Variants in CCDC178 observed in about 807,000 individuals in gnomAD.
CCDC178 encodes the protein coiled-coil domain containing 178, also known as coiled-coil domain-containing protein 178.
CCDC178 carries 126 observed loss-of-function variants against 117.4 expected under a neutral mutation model. The ratio of observed to expected loss-of-function variants is 1.07; its 90% CI spans 0.93 to 1.24. The LOEUF (loss-of-function observed/expected upper bound fraction) is 1.24. Among genes scored for constraint, CCDC178 ranks in the 50% most tolerant of loss-of-function variants. The pLI is 0.00. For synonymous variants in CCDC178, 283 were observed against 313.4 expected, an observed-to-expected ratio of 0.90 and a Z score of 1.02; for missense variants, 1,030 against 986.9, an observed-to-expected ratio of 1.04 and a Z score of -0.59.
At position 33,402,035 on chromosome 18, in the gene CCDC178, T is replaced by C. The variant is rs143808874; in HGVS notation, c.59-4827A>G. 6.9e-4 allele frequency among the ~76,000 whole-genome samples: 105 copies of C among 152,308 alleles called. 1 individual carries two copies. Among genetic ancestry groups the C allele is most frequent in the African/African-American group, 2.5e-3 (103 of 41,580 alleles). ...GTGGTAATACTGATAAACAGTTGAA[T>C]GTGAGGTACATTTGTGGAAAACAAT... On this transcript the variant is annotated intron_variant, in intron 3 of 22. Transcript: ENST00000383096.
intron 7 of CCDC178, among the ~76,000 whole-genome samples, chr18:33,353,610 T>C (rs1486160349): frequency 2.0e-4 from 30 of 152,118 alleles, no homozygotes; most frequent in Admixed American, 2.0e-3. Context: ...CTTAACTCTA[T>C]AAAACTTGAA....
chr18:33,195,394 C>T (rs910923270), intron 20 of CCDC178, among the ~76,000 whole-genome samples: 10 of 152,150 alleles, frequency 6.6e-5, no homozygotes, highest in Admixed American at 2.6e-4. Flanking sequence ...AGTAGTGATA[C>T]AAAAGTTACC....
chr18:33,245,183 T>C (rs1006904336), intron 15 of CCDC178, 62 bp downstream of exon 15: 87 of 1,353,946 alleles, frequency 6.4e-5, no homozygotes, highest in Non-Finnish European at 8.0e-5. Context: ...ATGAAATCGA[T>C]ACAATTCAGG....
At chr18:33,301,859 C>T (rs1470995323) in intron 11 of CCDC178, among the ~76,000 whole-genome samples, 2 of 152,126 alleles carry the variant, frequency 1.3e-5, no homozygotes, top group Non-Finnish European at 2.9e-5. Flanking sequence ...GGACTTTGGA[C>T]TTGATGCTGG....
intron 21 of CCDC178, among the ~76,000 whole-genome samples, chr18:32,990,930 G>C (rs1486793975): frequency 6.6e-6 from 1 of 151,294 alleles, no homozygotes; most frequent in African/African-American, 2.4e-5. Flanking sequence ...AAGTAATTAG[G>C]AAAATGAAAG....
chr18:33,138,836 T>C (rs1011532683), intron 20 of CCDC178, among the ~76,000 whole-genome samples: 3 of 151,668 alleles, frequency 2.0e-5, no homozygotes, highest in African/African-American at 7.3e-5. Context: ...CAGGAAGGAG[T>C]AGTTAGTTGC....
At position 33,149,235 on chromosome 18, in the gene CCDC178, A is replaced by C. The variant is rs2058312220; in HGVS notation, c.2239-56325T>G. Among the ~76,000 whole-genome samples the C allele has an allele frequency of 1.3e-5, 2 of 152,180 alleles. 1 individual carries two copies. Among genetic ancestry groups the C allele is most frequent in the South Asian group, 4.1e-4 (2 of 4,828 alleles). ...CCAGAAAGCAAATGGTTAAATACTAACTGACTTAGGGTTTTCTGGAAGCCA... is the reference window on the plus strand; with the variant it reads ...CCAGAAAGCAAATGGTTAAATACTACCTGACTTAGGGTTTTCTGGAAGCCA... On this transcript the variant is annotated intron_variant, in intron 20 of 22. Transcript: ENST00000383096.
chr18:33,031,631 A>G (rs2056344908), intron 21 of CCDC178, among the ~76,000 whole-genome samples: 1 of 151,962 alleles, frequency 6.6e-6, no homozygotes, highest in Non-Finnish European at 1.5e-5. Context: ...ATTTGTTCCT[A>G]TGGATTCAAG....
chr18:33,251,611 T>C (rs2059619219), intron 14 of CCDC178, among the ~76,000 whole-genome samples: 1 of 151,760 alleles, frequency 6.6e-6, no homozygotes, highest in African/African-American at 2.4e-5. Context: ...TGGTCATATG[T>C]TTTTATAAAG....
intron 20 of CCDC178, among the ~76,000 whole-genome samples, chr18:33,095,256 C>T (rs145774916): frequency 1.3e-5 from 2 of 151,778 alleles, no homozygotes; most frequent in African/African-American, 4.8e-5. Flanking sequence ...ATTATTAATA[C>T]TTATTAAGAT....
chr18:32,982,622 T>C (rs1251038105), intron 21 of CCDC178, among the ~76,000 whole-genome samples: 1 of 152,130 alleles, frequency 6.6e-6, no homozygotes, highest in Non-Finnish European at 1.5e-5. Flanking sequence ...CTGGAATTTA[T>C]ACAGATCCAG....
At chr18:33,317,707 GA>G (rs1480210120) in intron 11 of CCDC178, among the ~76,000 whole-genome samples, 1 of 152,098 alleles carries the variant, frequency 6.6e-6, no homozygotes, top group Non-Finnish European at 1.5e-5. Flanking sequence ...CACCATTCAA[GA>G]ATGAGGAGTG....
At chr18:33,259,298 GA>G (rs1231309399) in intron 14 of CCDC178, among the ~76,000 whole-genome samples, 1 of 152,166 alleles carries the variant, frequency 6.6e-6, no homozygotes, top group Non-Finnish European at 1.5e-5. Flanking sequence ...CTGCAGTGCA[GA>G]AGCTCCTGCT....
chr18:33,424,434 C>G (rs1049542652), intron 2 of CCDC178, among the ~76,000 whole-genome samples: 1 of 152,188 alleles, frequency 6.6e-6, no homozygotes, highest in African/African-American at 2.4e-5. Flanking sequence ...GACATCCAGG[C>G]CTGCGTGACT....
intron 21 of CCDC178, among the ~76,000 whole-genome samples, chr18:33,012,518 C>G (rs7236742): frequency 6.6e-6 from 1 of 152,112 alleles, no homozygotes; most frequent in Non-Finnish European, 1.5e-5. Context: ...ATCCCCAAAT[C>G]TTGGCATTGG....
intron 21 of CCDC178, among the ~76,000 whole-genome samples, chr18:33,041,527 T>C (rs1290866256): frequency 6.6e-6 from 1 of 151,154 alleles, no homozygotes. Context: ...AGAACCAAAG[T>C]TACTAAATCC....
chr18:33,089,692 C>A (rs1311520108), intron 21 of CCDC178, among the ~76,000 whole-genome samples: 1 of 152,188 alleles, frequency 6.6e-6, no homozygotes, highest in African/African-American at 2.4e-5. Context: ...GCTTAACTTA[C>A]CTTTCTGTGC....
At chr18:33,218,804 G>C (rs1568064752) in intron 18 of CCDC178, among the ~76,000 whole-genome samples, 1 of 151,996 alleles carries the variant, frequency 6.6e-6, no homozygotes, top group Non-Finnish European at 1.5e-5. Flanking sequence ...CTGTTCCATT[G>C]GTCTCTATCT....
chr18:33,153,667 A>G (rs2058363095), intron 20 of CCDC178, among the ~76,000 whole-genome samples: 1 of 152,150 alleles, frequency 6.6e-6, no homozygotes, highest in Non-Finnish European at 1.5e-5. Flanking sequence ...TCATAAGAAC[A>G]AAACAATTTA....
Sources: allele counts gnomAD v4.1 joint callset (sites outside exome capture counted in the v4.1 genomes callset), GRCh38; gene constraint gnomAD v4.1.1; transcripts MANE v1.5; gene names NCBI Gene and HGNC (gene_info 2026-07-23, HGNC 2026-07-21).